ATIC: variants seen among roughly 807,000 people sequenced by gnomAD.
ATIC encodes bifunctional purine biosynthesis protein ATIC.
Under a neutral mutation model 72.5 loss-of-function variants are expected in ATIC, and 64 were observed. The observed-to-expected ratio is 0.88, with a 90% confidence interval of 0.72 to 1.09. The LOEUF is 1.09. ATIC is among the 50% of genes least tolerant of loss of function. The probability of loss-of-function intolerance (pLI) is 0.00; values close to 1 mark genes in which losing one functional copy is unlikely to be tolerated. For missense variants in ATIC, 787 were observed against 732.4 expected, an observed-to-expected ratio of 1.07 and a Z score of -0.86; for synonymous variants, 281 against 267.1, an observed-to-expected ratio of 1.05 and a Z score of -0.51.
At chr2:215,356,738 A>G in the ATIC span, among the ~76,000 whole-genome samples, 1 of 152,204 alleles carries the variant, frequency 6.6e-6, no homozygotes. Flanking sequence ...TCAACTTAGC[A>G]TAATATTTTA....
At chr2:215,342,375 TAA>T (rs1369446744) in intron 12 of ATIC, among the ~76,000 whole-genome samples, 2 of 152,216 alleles carry the variant, frequency 1.3e-5, no homozygotes, top group African/African-American at 4.8e-5. Flanking sequence ...AATTTTGAGA[TAA>T]AAGTTGTAGA....
downstream of ATIC, among the ~76,000 whole-genome samples, chr2:215,351,044 T>C (rs561196667): frequency 6.6e-6 from 1 of 152,226 alleles, no homozygotes; most frequent in Admixed American, 6.5e-5. Context: ...GCAGAAAAAA[T>C]AAGACTTTTG....
Position 215,341,053 on chromosome 2 carries a change from T to C in ATIC, c.1227+2146T>C, listed in dbSNP as rs1044929392. Among the ~76,000 whole-genome samples the C allele has an allele frequency of 2.6e-5, 4 of 152,214 alleles. No individual in the cohort carries two copies. In the South Asian group the frequency reaches 8.3e-4, roughly 32 times the overall value. ...GCTCCCAGGTCTGAATCCTGAGGCC[T>C]TTTCAGTAGAATTGCTGGAAATAAG... On this transcript the variant is annotated intron_variant, in intron 12 of 15. Coordinates refer to ENST00000236959, the MANE Select transcript of ATIC (RefSeq NM_004044.7).
chr2:215,346,967 G>A (rs770440688), intron 14 of ATIC, 26 bp downstream of exon 14: 37 of 1,612,300 alleles, frequency 2.3e-5, no homozygotes, highest in East Asian at 6.7e-5. Context: ...TTGGGTTCTC[G>A]GCTGTGTTAA....
intron 7 of ATIC, among the ~76,000 whole-genome samples, chr2:215,328,377 C>A (rs2372537): frequency 6.6e-6 from 1 of 151,874 alleles, no homozygotes; most frequent in East Asian, 1.9e-4. Context: ...AGCACTTTGC[C>A]CTGCCCCACA....
Position 215,312,513 on chromosome 2 carries a change from C to CT in ATIC, c.36dup (p.Asp13Ter). On this transcript the variant is annotated frameshift_variant, in exon 2 of 16. Transcript: ENST00000236959. LOFTEE classifies it high-confidence loss of function. ...TCTCTTTCAGCCTTATTTAGTGTCT[C>CT]TGACAAAACCGGCCTTGTGGAATTT... The CT allele has an allele frequency of 6.2e-7, 1 of 1,614,214 alleles. No homozygotes were observed. Among genetic ancestry groups the CT allele is most frequent in the South Asian group, 1.1e-5 (1 of 91,084 alleles).
intron 2 of ATIC, among the ~76,000 whole-genome samples, chr2:215,315,692 T>C (rs1429731774): frequency 6.6e-6 from 1 of 151,902 alleles, no homozygotes; most frequent in Non-Finnish European, 1.5e-5. Context: ...GGCTCACCCC[T>C]GTAATCCCAG....
intron 14 of ATIC, chr2:215,347,732 T>C: frequency 2.1e-6 from 1 of 472,828 alleles, no homozygotes. Flanking sequence ...CTGTTTGATA[T>C]TACCAGTCAA....
At chr2:215,323,564 C>T (rs1049535368) in intron 4 of ATIC, among the ~76,000 whole-genome samples, 2 of 152,082 alleles carry the variant, frequency 1.3e-5, no homozygotes, top group Non-Finnish European at 2.9e-5. Context: ...ATATATCCTG[C>T]GGCTTTGCTG....
chr2:215,333,249 G>T (rs1403028390), intron 8 of ATIC, 101 bp from the exon 9 acceptor site: 4 of 935,686 alleles, frequency 4.3e-6, no homozygotes, highest in Non-Finnish European at 7.0e-6. Context: ...ACTAGAAAAT[G>T]TGCTGCGTAG....
intron 9 of ATIC, 65 bp from the exon 10 acceptor site, chr2:215,334,854 A>G: frequency 7.5e-7 from 1 of 1,335,548 alleles, no homozygotes; most frequent in Non-Finnish European, 1.1e-6. Flanking sequence ...ACAGTGGAGA[A>G]TTTTATTACT....
At chr2:215,365,711 CA>C in the ATIC span, 1 of 1,362,638 alleles carries the variant, frequency 7.3e-7, no homozygotes, top group Non-Finnish European at 1.0e-6. Flanking sequence ...TGGGACGTGT[CA>C]CAGGGTCTTC....
rs896993277 is a variant in ATIC at position 215,326,157 on chromosome 2, A to G, written c.531+19A>G. ...CTTGAAGGTGGGATGCACTTTCATG[A>G]TATTGTAAGTTACATCCATGGAGTG... On this transcript the variant is annotated intron_variant, in intron 6 of 15. Coordinates refer to ENST00000236959, the MANE Select transcript of ATIC (RefSeq NM_004044.7). 5 of 1,613,486 alleles carry G rather than the reference A, an allele frequency of 3.1e-6. No individual in the cohort carries two copies. Among genetic ancestry groups the G allele is most frequent in the African/African-American group, 2.7e-5 (2 of 74,898 alleles).
At chr2:215,355,533 G>T in the ATIC span, among the ~76,000 whole-genome samples, 1 of 152,144 alleles carries the variant, frequency 6.6e-6, no homozygotes, top group Admixed American at 6.5e-5. Flanking sequence ...CCTTTCTAAA[G>T]CCCAGCCTAT....
the ATIC span, chr2:215,364,918 G>A: frequency 2.8e-5 from 44 of 1,573,420 alleles, 1 homozygote; most frequent in Admixed American, 4.6e-4. Context: ...AAATGGCACC[G>A]AGATATTCCT....
rs73087602 is a variant in ATIC at position 215,327,029 on chromosome 2, G to A, written c.688+51G>A. ...GGTTTGCTGTGCCTGGAGAGTGTGTGTTTCTCTGTATTGCATCTGATGTGG... is the reference window on the plus strand; with the variant it reads ...GGTTTGCTGTGCCTGGAGAGTGTGTATTTCTCTGTATTGCATCTGATGTGG... On this transcript the variant is annotated intron_variant, in intron 7 of 15. Transcript: ENST00000236959. The A allele has an allele frequency of 6.6e-3, 10,607 of 1,611,148 alleles. 590 individuals are homozygous for A. The African/African-American group carries it at 0.12, about 18-fold the overall frequency.
chr2:215,349,643 C>A lies in ATIC; in HGVS notation c.1767C>A (p.Leu589=), dbSNP rs763997198. Reference sequence around the variant, plus strand: ...TCCTCGCTCATACGAACCTTCGGCTCTTCCACCACTGATTTTACCACACAC... The same window carrying A: ...TCCTCGCTCATACGAACCTTCGGCTATTCCACCACTGATTTTACCACACAC... The part of the protein sequence containing the change: ...GIILAHTNLR[L]FHH Residue 589 remains leucine (L), a synonymous_variant, in exon 16 of 16, where the codon CTC becomes CTA. Transcript: ENST00000236959. 119 of 1,614,100 alleles carry A rather than the reference C, an allele frequency of 7.4e-5. No individual in the cohort carries two copies. Among genetic ancestry groups the A allele is most frequent in the Middle Eastern group, 4.9e-4 (3 of 6,084 alleles).
At chr2:215,352,677 T>C (rs1454504889), downstream of ATIC, among the ~76,000 whole-genome samples, 1 of 152,230 alleles carries the variant, frequency 6.6e-6, no homozygotes, top group East Asian at 1.9e-4. Context: ...ATAAGTCATT[T>C]TGAATATCAA....
intron 5 of ATIC, 33 bp downstream of exon 5, chr2:215,325,362 A>AG (rs746457093): frequency 1.3e-6 from 2 of 1,486,288 alleles, no homozygotes; most frequent in Non-Finnish European, 1.9e-6. Context: ...GAAGACTGAG[A>AG]GGAGAGGATT....
Sources: allele counts gnomAD v4.1 joint callset (sites outside exome capture counted in the v4.1 genomes callset), GRCh38; gene constraint gnomAD v4.1.1; transcripts MANE v1.5; gene names NCBI Gene and HGNC (gene_info 2026-07-23, HGNC 2026-07-21).